ADAMTSL3: variants seen among roughly 807,000 people sequenced by gnomAD.
The protein encoded by ADAMTSL3 is ADAMTS-like protein 3.
In ADAMTSL3, 128 loss-of-function variants were observed where a neutral mutation model predicts 201.7. The ratio of observed to expected loss-of-function variants is 0.63; its 90% CI spans 0.55 to 0.73. ADAMTSL3 has a LOEUF of 0.73. ADAMTSL3 is among the 30% of genes least tolerant of loss of function. ADAMTSL3 has a pLI of 0.00. For missense variants in ADAMTSL3, 1,990 were observed against 2,119.6 expected (o/e 0.94, Z 1.20); for synonymous variants, 738 against 748.4 (o/e 0.99, Z 0.23).
chr15:83,892,563 G>A, intron 12 of ADAMTSL3, 121 bp from the exon 13 acceptor site: 2 of 941,994 alleles, frequency 2.1e-6, no homozygotes. Context: ...ATGACTCCCA[G>A]TCCCAGGCTC....
intron 19 of ADAMTSL3, among the ~76,000 whole-genome samples, chr15:83,951,971 G>A (rs906391045): frequency 6.6e-6 from 1 of 151,982 alleles, no homozygotes; most frequent in African/African-American, 2.4e-5. Flanking sequence ...TTGGTTCATT[G>A]ATCGTTTGTA....
intron 3 of ADAMTSL3, among the ~76,000 whole-genome samples, chr15:83,734,797 G>A (rs2062342769): frequency 6.6e-6 from 1 of 152,062 alleles, no homozygotes; most frequent in Non-Finnish European, 1.5e-5. Flanking sequence ...TCTCAACTTG[G>A]GGATGATTTT....
intron 27 of ADAMTSL3, among the ~76,000 whole-genome samples, chr15:84,028,662 T>C (rs529673636): frequency 3.3e-5 from 5 of 152,318 alleles, no homozygotes; most frequent in Non-Finnish European, 5.9e-5. Flanking sequence ...ATTTGCCCTG[T>C]CATTTTTTCC....
Position 83,654,995 on chromosome 15 carries a change from T to G in ADAMTSL3, c.-34+719T>G, listed in dbSNP as rs1246449714. 6.6e-6 allele frequency among the ~76,000 whole-genome samples: 1 copy of G among 152,064 alleles called. No homozygotes were observed. Among genetic ancestry groups the G allele is most frequent in the Non-Finnish European group, 1.5e-5 (1 of 68,008 alleles). On this transcript the variant is annotated intron_variant, in intron 1 of 29. Coordinates refer to ENST00000286744, the MANE Select transcript of ADAMTSL3 (RefSeq NM_207517.3). This position sits in a 1 kb window ranked among gnomAD's most constrained non-coding sequence, Gnocchi z 5.3. The stretch of plus-strand genomic sequence containing the variant: ...CCCGCGAGGCGAAGCGGGAGTCGAG[T>G]GTGACCTCGGCTTTTCCAGTCTCGA...
chr15:83,901,189 C>T lies in ADAMTSL3; in HGVS notation c.1700+1458C>T, dbSNP rs560855640. 4.6e-5 allele frequency among the ~76,000 whole-genome samples: 7 copies of T among 152,160 alleles called. No individual in the cohort carries two copies. The East Asian group carries it at 7.8e-4, about 17-fold the overall frequency. On this transcript the variant is annotated intron_variant, in intron 15 of 29. Transcript: ENST00000286744. The stretch of plus-strand genomic sequence containing the variant: ...CTGTGGACCATGTGAGGGGGAATGG[C>T]TTCACAGTATTTGAGTAAAAAGAGA...
intron 16 of ADAMTSL3, among the ~76,000 whole-genome samples, chr15:83,917,423 GTATGTATGTA>G (rs1567235115): frequency 1.3e-5 from 2 of 151,298 alleles, no homozygotes; most frequent in African/African-American, 4.9e-5. Flanking sequence ...GTGTGTGTAT[GTATGTATGTA>G]TGTATGTATG....
chr15:83,942,878 G>C (rs12901723), intron 18 of ADAMTSL3, 25 bp from the exon 19 acceptor site: 2 of 1,607,122 alleles, frequency 1.2e-6, no homozygotes, highest in African/African-American at 1.3e-5. Flanking sequence ...CAAGCCTGCC[G>C]CCTCACCCCC....
At chr15:83,684,024 A>G (rs10520582) in intron 2 of ADAMTSL3, among the ~76,000 whole-genome samples, 10,663 of 152,314 alleles carry the variant, frequency 0.07, 582 homozygotes, top group East Asian at 0.18. Flanking sequence ...TAAAAACTTC[A>G]CGTTGGTATT....
chr15:83,867,296 G>C (rs1347831205), intron 8 of ADAMTSL3, among the ~76,000 whole-genome samples: 1 of 152,160 alleles, frequency 6.6e-6, no homozygotes, highest in Non-Finnish European at 1.5e-5. Flanking sequence ...CTGCCTAGAG[G>C]TGTTTGTTTA....
Position 83,835,090 on chromosome 15 carries a change from C to T in ADAMTSL3, c.601-2999C>T, listed in dbSNP as rs147293156. On this transcript the variant is annotated intron_variant, in intron 6 of 29. Transcript: ENST00000286744. ...TCTACTGAAAATACAAAAAATTAGC[C>T]GGGCATGGTGGCGGGTAGCTGTAGT... Among the ~76,000 whole-genome samples, 890 of 151,936 alleles carry T rather than the reference C, an allele frequency of 5.9e-3. 9 individuals carry two copies. The highest frequency in any genetic ancestry group is 0.021 in the African/African-American group (854 of 41,426).
intron 2 of ADAMTSL3, 44 bp downstream of exon 2, chr15:83,655,874 C>T (rs1343113965): frequency 2.5e-6 from 4 of 1,577,878 alleles, no homozygotes; most frequent in African/African-American, 1.3e-5. Context: ...GGACATCCCT[C>T]TGTTTACTCA....
chr15:83,815,616 G>A (rs2063760441), intron 5 of ADAMTSL3, among the ~76,000 whole-genome samples: 1 of 152,202 alleles, frequency 6.6e-6, no homozygotes, highest in East Asian at 1.9e-4. Flanking sequence ...GCTGGGACAT[G>A]GGACCTAGCT....
intron 3 of ADAMTSL3, among the ~76,000 whole-genome samples, chr15:83,738,401 A>G (rs1596116441): frequency 6.6e-6 from 1 of 152,276 alleles, no homozygotes; most frequent in East Asian, 1.9e-4. Flanking sequence ...TATGTATGTC[A>G]CTTACACTTT....
intron 4 of ADAMTSL3, among the ~76,000 whole-genome samples, chr15:83,802,702 G>A (rs1218495722): frequency 1.3e-5 from 2 of 152,188 alleles, no homozygotes; most frequent in Admixed American, 1.3e-4. Context: ...GGGGGAAGAG[G>A]TTGACTATAC....
At position 83,942,676 on chromosome 15, in the gene ADAMTSL3, C is replaced by T. The variant is rs756272128; in HGVS notation, c.2198C>T (p.Pro733Leu). Residue 733 changes from proline to leucine, a missense_variant, in exon 18 of 30, where the codon CCA (proline) becomes CTA (leucine). By Grantham distance (98) the Pro-to-Leu change is moderately conservative (BLOSUM62 -3). Coordinates refer to ENST00000286744, the MANE Select transcript of ADAMTSL3 (RefSeq NM_207517.3). ...IQTRDVYCLH[P>L]GETPAPPEEC... ...ACCCGAGATGTGTACTGCCTGCACC[C>T]AGGGGAGACCCCTGCCCCTCCTGAG... 6.2e-7 allele frequency: 1 copy of T among 1,614,120 alleles called. No individual in the cohort carries two copies. The highest frequency in any genetic ancestry group is 1.1e-5 in the South Asian group (1 of 91,084).
At chr15:83,744,433 A>G (rs2062510212) in intron 3 of ADAMTSL3, among the ~76,000 whole-genome samples, 2 of 152,222 alleles carry the variant, frequency 1.3e-5, no homozygotes, top group Admixed American at 6.5e-5. Flanking sequence ...ACTCAAGTAC[A>G]TGTTGTCTCT....
Position 83,982,980 on chromosome 15 carries a change from T to A in ADAMTSL3, c.3352T>A (p.Ser1118Thr). Residue 1118 changes from serine (S) to threonine (T), a missense_variant, in exon 21 of 30, where the codon TCC becomes ACC. Physicochemically the swap from Ser to Thr is moderately conservative, Grantham distance 58. Transcript: ENST00000286744. ...CGGAGAGGTCAGCGATGATCTTGCG[T>A]CCCAGCTGATATATCAGCTGGTGGC... Reference protein sequence around the residue: ...ETGEVSDDLASQLIYQLVAEL... With the variant: ...ETGEVSDDLATQLIYQLVAEL... The A allele has an allele frequency of 6.2e-7, 1 of 1,614,136 alleles. No homozygotes were observed. The highest frequency in any genetic ancestry group is 8.5e-7 in the Non-Finnish European group (1 of 1,180,022).
chr15:83,722,865 T>A (rs2062120114), intron 3 of ADAMTSL3, among the ~76,000 whole-genome samples: 1 of 151,990 alleles, frequency 6.6e-6, no homozygotes, highest in African/African-American at 2.4e-5. Context: ...AAATTCCAGA[T>A]GGATTGAAGA....
intron 3 of ADAMTSL3, among the ~76,000 whole-genome samples, chr15:83,773,085 T>G (rs1220488861): frequency 1.3e-5 from 2 of 152,196 alleles, no homozygotes; most frequent in Non-Finnish European, 1.5e-5. Context: ...AAACCTGTCT[T>G]TTTTTTTCAT....
Sources: allele counts gnomAD v4.1 joint callset (sites outside exome capture counted in the v4.1 genomes callset), GRCh38; gene constraint gnomAD v4.1.1; non-coding constraint Gnocchi (gnomAD v3.1); transcripts MANE v1.5; gene names NCBI Gene and HGNC (gene_info 2026-07-23, HGNC 2026-07-21).